MAML3: variants seen among roughly 807,000 people sequenced by gnomAD.
MAML3 encodes the protein mastermind like transcriptional coactivator 3, also known as mastermind-like protein 3.
Under a neutral mutation model 101.9 loss-of-function variants are expected in MAML3, and 27 were observed. The ratio of observed to expected loss-of-function variants is 0.27; its 90% CI spans 0.20 to 0.37. The LOEUF (loss-of-function observed/expected upper bound fraction) is 0.37. Among genes scored for constraint, MAML3 ranks in the 10% least tolerant of loss-of-function variants. MAML3 has a pLI of 1.00. For missense variants in MAML3, 1,316 were observed against 1,444.9 expected, an observed-to-expected ratio of 0.91 and a Z score of 1.45; for synonymous variants, 501 against 555.9, an observed-to-expected ratio of 0.90 and a Z score of 1.39.
intron 1 of MAML3, among the ~76,000 whole-genome samples, chr4:139,965,841 G>A (rs180945362): frequency 8.1e-4 from 123 of 152,152 alleles, no homozygotes; most frequent in Non-Finnish European, 1.3e-3. Flanking sequence ...GGATCCTCCC[G>A]TGTAGCTGGG....
intron 2 of MAML3, among the ~76,000 whole-genome samples, chr4:139,804,936 T>C (rs1730678678): frequency 6.6e-6 from 1 of 152,098 alleles, no homozygotes; most frequent in South Asian, 2.1e-4. Flanking sequence ...CCCAGCACCT[T>C]GGGAGGCTGA....
Position 140,110,201 on chromosome 4 carries a change from A to G in MAML3, c.468+42659T>C, listed in dbSNP as rs148564122. ...AATTTGAGTAAGGAAATCAGACGGT[A>G]AAATGTCCTAGTTTTTGGCCTATTC... On this transcript the variant is annotated intron_variant, in intron 1 of 4. Coordinates refer to ENST00000509479, the MANE Select transcript of MAML3 (RefSeq NM_018717.5). Among the ~76,000 whole-genome samples the G allele has an allele frequency of 2.2e-4, 33 of 152,354 alleles. No individual in the cohort carries two copies. In the East Asian group the frequency reaches 6.2e-3, roughly 29 times the overall value.
chr4:140,109,727 T>C (rs939231478), intron 1 of MAML3, among the ~76,000 whole-genome samples: 3 of 152,198 alleles, frequency 2.0e-5, no homozygotes, highest in Non-Finnish European at 4.4e-5. Flanking sequence ...TTTTCCCCAA[T>C]GCCTCTAACA....
chr4:139,797,900 C>T (rs1730539009), intron 2 of MAML3, among the ~76,000 whole-genome samples: 1 of 151,216 alleles, frequency 6.6e-6, no homozygotes, highest in South Asian at 2.1e-4. Flanking sequence ...TTGTGATTAC[C>T]TAAGAAAATA....
chr4:139,765,385 A>C lies in MAML3; in HGVS notation c.2080-34718T>G, dbSNP rs184451343. 3.3e-4 allele frequency among the ~76,000 whole-genome samples: 51 copies of C among 152,360 alleles called. No homozygotes were observed. The East Asian group carries it at 5.4e-3, about 16-fold the overall frequency. On this transcript the variant is annotated intron_variant, in intron 2 of 4. Transcript: ENST00000509479. ...TCTAATGTTGTTAAGTAATCTTTAAAATAATTTAAAAAAGGAACTGCAATT... is the reference window on the plus strand; with the variant it reads ...TCTAATGTTGTTAAGTAATCTTTAACATAATTTAAAAAAGGAACTGCAATT...
At chr4:139,835,776 A>G (rs1353229743) in intron 2 of MAML3, among the ~76,000 whole-genome samples, 2 of 152,182 alleles carry the variant, frequency 1.3e-5, no homozygotes, top group African/African-American at 4.8e-5. Flanking sequence ...TTTCCAAAGA[A>G]GGCCTTAATT....
chr4:140,019,359 T>C (rs1726697281), intron 1 of MAML3, among the ~76,000 whole-genome samples: 1 of 152,212 alleles, frequency 6.6e-6, no homozygotes, highest in African/African-American at 2.4e-5. Context: ...TGTTTACTTG[T>C]CTGTCTTCCC....
chr4:139,771,629 G>A (rs758733766), intron 2 of MAML3, among the ~76,000 whole-genome samples: 1 of 152,124 alleles, frequency 6.6e-6, no homozygotes, highest in African/African-American at 2.4e-5. Flanking sequence ...TTTAGCTGGC[G>A]GAAATAATTT....
At chr4:139,986,183 A>G (rs4863714) in intron 1 of MAML3, among the ~76,000 whole-genome samples, 100,216 of 152,108 alleles carry the variant, frequency 0.66, 33,443 homozygotes, top group East Asian at 0.91. Context: ...CGTTGTGGAC[A>G]GGGTCATCCC....
At chr4:139,791,502 CA>C (rs534133306) in intron 2 of MAML3, among the ~76,000 whole-genome samples, 208 of 95,078 alleles carry the variant, frequency 2.2e-3, no homozygotes, top group Middle Eastern at 5.9e-3. Flanking sequence ...GACTCCATCT[CA>C]AAAAAAAAAA....
intron 1 of MAML3, among the ~76,000 whole-genome samples, chr4:140,102,511 A>T (rs1728270961): frequency 6.6e-6 from 1 of 152,168 alleles, no homozygotes; most frequent in South Asian, 2.1e-4. Context: ...TTCTCTGTGC[A>T]TGCTTATGCC....
At chr4:139,837,757 T>TAAAAATAC in intron 2 of MAML3, among the ~76,000 whole-genome samples, 1 of 151,638 alleles carries the variant, frequency 6.6e-6, no homozygotes, top group East Asian at 2.0e-4. Context: ...CTGTCTCTAC[T>TAAAAATAC]AAAAATACAA....
chr4:140,038,770 T>C (rs976747259), intron 1 of MAML3, among the ~76,000 whole-genome samples: 8 of 152,178 alleles, frequency 5.3e-5, no homozygotes, highest in Non-Finnish European at 1.5e-5. Flanking sequence ...CGGCTATTAT[T>C]ATTCATGAAG....
chr4:139,806,745 G>A (rs1730707020), intron 2 of MAML3, among the ~76,000 whole-genome samples: 1 of 152,106 alleles, frequency 6.6e-6, no homozygotes, highest in Admixed American at 6.6e-5. Flanking sequence ...AATTATGCAG[G>A]CATTAAAAAT....
intron 1 of MAML3, among the ~76,000 whole-genome samples, chr4:140,096,861 G>A (rs193106991): frequency 1.5e-4 from 23 of 151,484 alleles, no homozygotes; most frequent in South Asian, 1.5e-3. Flanking sequence ...AGAAAAGGAA[G>A]TTGAGAGAAT....
intron 1 of MAML3, among the ~76,000 whole-genome samples, chr4:140,100,792 T>G (rs1024495416): frequency 6.6e-6 from 1 of 152,108 alleles, no homozygotes; most frequent in African/African-American, 2.4e-5. Flanking sequence ...CTTTTAAAGG[T>G]GAGTTGCCTA....
chr4:139,725,269 A>ATTCTTCCAC (rs1728422339), intron 4 of MAML3, among the ~76,000 whole-genome samples: 1 of 152,212 alleles, frequency 6.6e-6, no homozygotes, highest in South Asian at 2.1e-4. Flanking sequence ...TGCAAGCCAG[A>ATTCTTCCAC]TTCTTCCACT....
At chr4:140,007,245 G>A (rs962026867) in intron 1 of MAML3, among the ~76,000 whole-genome samples, 3 of 152,134 alleles carry the variant, frequency 2.0e-5, no homozygotes, top group African/African-American at 7.2e-5. Flanking sequence ...AAGAGGATAC[G>A]TGATAAAAAG....
At chr4:139,920,136 A>G (rs556238431) in intron 1 of MAML3, among the ~76,000 whole-genome samples, 2 of 152,136 alleles carry the variant, frequency 1.3e-5, no homozygotes, top group East Asian at 3.9e-4. Flanking sequence ...ATGACTAATG[A>G]CTCTAGTTAT....
Sources: gnomAD v4.1 joint callset for allele counts (sites outside exome capture counted in the v4.1 genomes callset) on GRCh38, gnomAD v4.1.1 for gene constraint, MANE v1.5 for transcripts, NCBI Gene and HGNC (gene_info 2026-07-23, HGNC 2026-07-21) for gene names.